SLC6A3: variants seen among roughly 807,000 people sequenced by gnomAD.
The protein encoded by SLC6A3 is solute carrier family 6 member 3.
In SLC6A3, 19 loss-of-function variants were observed where a neutral mutation model predicts 70.4. The observed-to-expected ratio is 0.27, with a 90% CI of 0.19 to 0.40. SLC6A3 has a LOEUF of 0.40. Among genes scored for constraint, SLC6A3 ranks in the 10% least tolerant of loss-of-function variants. The pLI, the probability that SLC6A3 is intolerant of heterozygous loss-of-function variation, is 1.00. For missense variants in SLC6A3, 613 were observed against 838.5 expected (o/e 0.73, Z 3.32); for synonymous variants, 368 against 356.6 (o/e 1.03, Z -0.36).
At chr5:1,409,971 T>C in intron 9 of SLC6A3, 122 bp from the exon 10 acceptor site, 8 of 1,289,776 alleles carry the variant, frequency 6.2e-6, no homozygotes, top group Non-Finnish European at 8.8e-6. Flanking sequence ...AGGGGCCACA[T>C]GGCCGTCCAG....
intron 9 of SLC6A3, among the ~76,000 whole-genome samples, chr5:1,410,844 G>A (rs1234564788): frequency 6.6e-6 from 1 of 151,838 alleles, no homozygotes; most frequent in Non-Finnish European, 1.5e-5. Flanking sequence ...GTGTGTTCGT[G>A]TGTGTTCATG....
In SLC6A3 at chr5:1,408,069, C is replaced by T. The variant is rs185241352; in HGVS notation, c.1498+957G>A. On this transcript the variant is annotated intron_variant, in intron 11 of 14. Transcript: ENST00000270349. This position sits in a 1 kb window ranked among gnomAD's most constrained non-coding sequence, Gnocchi z 6.4. Reference sequence around the variant, plus strand: ...AGGCTGGAGTGCAGTGGTGCAATCTCGGGTGACTGCAACCTCCGCCTTCCG... The same window carrying T: ...AGGCTGGAGTGCAGTGGTGCAATCTTGGGTGACTGCAACCTCCGCCTTCCG... 7.5e-4 allele frequency among the ~76,000 whole-genome samples: 114 copies of T among 152,084 alleles called. No homozygotes were observed. Among genetic ancestry groups the T allele is most frequent in the African/African-American group, 2.5e-3 (105 of 41,464 alleles).
At chr5:1,400,126 G>A (rs28363157) in intron 14 of SLC6A3, among the ~76,000 whole-genome samples, 3,307 of 152,324 alleles carry the variant, frequency 0.022, 116 homozygotes, top group African/African-American at 0.075. Flanking sequence ...TCGGCATTAG[G>A]CTGACATTAG....
rs912980440 is a variant in SLC6A3 at position 1,396,265 on chromosome 5, A to G, written c.1840-1507T>C. Among the ~76,000 whole-genome samples, 1 of 152,208 alleles carries G rather than the reference A, an allele frequency of 6.6e-6. No homozygotes were observed. The highest frequency in any genetic ancestry group is 1.5e-5 in the Non-Finnish European group (1 of 68,032). ...GTGAAACGTAGCTATGGATACAAAC[A>G]TTTCTGACCTAGATGGAATAATAGG... On this transcript the variant is annotated intron_variant, in intron 14 of 14. Coordinates refer to ENST00000270349, the MANE Select transcript of SLC6A3 (RefSeq NM_001044.5). This position sits in a 1 kb window ranked among gnomAD's most constrained non-coding sequence, Gnocchi z 7.0.
chr5:1,409,817 G>A lies in SLC6A3; in HGVS notation c.1302C>T (p.Leu434=). ...TGTGCAGCAGCTGGAACTCATCGAT[G>A]AGCCCGGTGATCACTGACTCCATAC... ...MGGMESVITG[L]IDEFQLLHRH... is the part of the protein sequence containing the mutation. The change falls in exon 10 of 15, where the codon CTC becomes CTT. Residue 434 remains leucine (L), a synonymous_variant. Coordinates refer to ENST00000270349, the MANE Select transcript of SLC6A3 (RefSeq NM_001044.5). 6.2e-7 allele frequency: 1 copy of A among 1,613,368 alleles called. No homozygotes were observed. The highest frequency in any genetic ancestry group is 1.7e-5 in the Admixed American group (1 of 60,032).
chr5:1,439,132 C>T (rs1579726580), intron 3 of SLC6A3, among the ~76,000 whole-genome samples: 1 of 152,006 alleles, frequency 6.6e-6, no homozygotes, highest in Admixed American at 6.5e-5. Context: ...TAACAACAGG[C>T]CTGGGTCTTC....
rs756149961 is a variant in SLC6A3 at position 1,409,771 on chromosome 5, G to A, written c.1348C>T (p.Leu450Phe). 2 of 1,613,434 alleles carry A rather than the reference G, an allele frequency of 1.2e-6. No homozygotes were observed. Among genetic ancestry groups the A allele is most frequent in the Non-Finnish European group, 1.7e-6 (2 of 1,179,996 alleles). The change falls in exon 10 of 15, where the codon CTC (leucine) becomes TTC (phenylalanine). Residue 450 changes from leucine to phenylalanine, a missense_variant. Leu to Phe is a conservative substitution (Grantham distance 22). This residue lies in a region of SLC6A3 where 348 missense variants were observed against 481.2 expected (regional missense o/e 0.72). Coordinates refer to ENST00000270349, the MANE Select transcript of SLC6A3 (RefSeq NM_001044.5). ...LLHRHRELFT[L>F]FIVLATFLLS... ...AGGAAGGTCGCCAGGACGATGAAGA[G>A]CGTGAAGAGCTCACGGTGTCTGTGC...
intron 4 of SLC6A3, 49 bp from the exon 5 acceptor site, chr5:1,422,063 C>G (rs746845469): frequency 6.3e-7 from 1 of 1,591,642 alleles, no homozygotes; most frequent in South Asian, 1.1e-5. Flanking sequence ...GTCAACCCAC[C>G]TGGAACTGGA....
chr5:1,443,281 C>A, intron 1 of SLC6A3, 39 bp from the exon 2 acceptor site: 1 of 1,495,220 alleles, frequency 6.7e-7, no homozygotes. Flanking sequence ...AACAGGAACG[C>A]AACAATTCAG....
chr5:1,421,185 T>TTG lies in SLC6A3; in HGVS notation c.793-483_793-482insCA, dbSNP rs1560917611. Among the ~76,000 whole-genome samples, 1 of 152,022 alleles carries TTG rather than the reference T, an allele frequency of 6.6e-6. No homozygotes were observed. The highest frequency in any genetic ancestry group is 2.4e-5 in the African/African-American group (1 of 41,380). The stretch of plus-strand genomic sequence containing the variant: ...GCCCATATAACAACCAAAGTTTTTT[T>TTG]TTTTTTTTTGAGATGGAGTTTTGCT... On this transcript the variant is annotated intron_variant, in intron 5 of 14. Coordinates refer to ENST00000270349, the MANE Select transcript of SLC6A3 (RefSeq NM_001044.5). The surrounding 1 kb of genome is among the most constrained non-coding windows in gnomAD (Gnocchi z 7.2).
intron 4 of SLC6A3, among the ~76,000 whole-genome samples, chr5:1,431,510 TGAG>T (rs1391734286): frequency 1.6e-5 from 2 of 127,526 alleles, no homozygotes; most frequent in African/African-American, 6.2e-5. Flanking sequence ...GGGTGGATAG[TGAG>T]GGATGGGCCT....
At chr5:1,412,859 C>A (rs145280119) in intron 8 of SLC6A3, among the ~76,000 whole-genome samples, 3 of 152,324 alleles carry the variant, frequency 2.0e-5, no homozygotes, top group Non-Finnish European at 4.4e-5. Flanking sequence ...GGGGTCAGAC[C>A]TGGGCTCTCG....
chr5:1,400,365 C>T (rs934935701), intron 14 of SLC6A3, among the ~76,000 whole-genome samples: 12 of 152,174 alleles, frequency 7.9e-5, no homozygotes, highest in African/African-American at 2.7e-4. Flanking sequence ...CCCGGGAATG[C>T]ACCTGCTCCA....
At position 1,436,720 on chromosome 5, in the gene SLC6A3, T is replaced by C. The variant is rs1225830085; in HGVS notation, c.419-4022A>G. On this transcript the variant is annotated intron_variant, in intron 3 of 14. Coordinates refer to ENST00000270349, the MANE Select transcript of SLC6A3 (RefSeq NM_001044.5). The surrounding 1 kb of genome is among the most constrained non-coding windows in gnomAD (Gnocchi z 5.2). ...TGTAAAATGGGGTTGCCCTTGGCAA[T>C]GAAACCGAAACCTGACAAACAGAAG... Among the ~76,000 whole-genome samples the C allele has an allele frequency of 6.6e-6, 1 of 152,124 alleles. No individual in the cohort carries two copies. The highest frequency in any genetic ancestry group is 1.5e-5 in the Non-Finnish European group (1 of 68,006).
rs529802765 is a variant in SLC6A3 at position 1,397,782 on chromosome 5, C to T, written c.1840-3024G>A. ...CTTTTTGAAAAGCAAGAAAATGGTCCTAGAAGAAAAGAAGTCTATAACAAA... is the reference window on the plus strand; with the variant it reads ...CTTTTTGAAAAGCAAGAAAATGGTCTTAGAAGAAAAGAAGTCTATAACAAA... On this transcript the variant is annotated intron_variant, in intron 14 of 14. Transcript: ENST00000270349. The surrounding 1 kb of genome is among the most constrained non-coding windows in gnomAD (Gnocchi z 4.7). Among the ~76,000 whole-genome samples the T allele has an allele frequency of 3.9e-5, 6 of 152,242 alleles. No homozygotes were observed. In the South Asian group the frequency reaches 1.2e-3, roughly 32 times the overall value.
At position 1,437,251 on chromosome 5, in the gene SLC6A3, CAAA is replaced by C. The variant is rs113262982; in HGVS notation, c.418+4105_418+4107del. The stretch of plus-strand genomic sequence containing the variant: ...GGTGACAGAGCGAGATTCCGTCTCA[CAAA>C]AAAAAAAAAAAAGAAAAGAAAAGAA... On this transcript the variant is annotated intron_variant, in intron 3 of 14. Coordinates refer to ENST00000270349, the MANE Select transcript of SLC6A3 (RefSeq NM_001044.5). The surrounding 1 kb of genome is among the most constrained non-coding windows in gnomAD (Gnocchi z 4.8). Among the ~76,000 whole-genome samples, 12 of 116,856 alleles carry C rather than the reference CAAA, an allele frequency of 1.0e-4. No homozygotes were observed. Among genetic ancestry groups the C allele is most frequent in the Admixed American group, 1.8e-4 (2 of 10,972 alleles). The allele number at this position is 116,856 out of a possible 152,430, so 76.7% of individuals were successfully genotyped here.
chr5:1,401,284 G>T lies in SLC6A3; in HGVS notation c.1768-298C>A, dbSNP rs1579699742. The T allele has an allele frequency of 1.6e-6, 1 of 614,076 alleles. No individual in the cohort carries two copies. Among genetic ancestry groups the T allele is most frequent in the Non-Finnish European group, 3.0e-6 (1 of 328,544 alleles). 38.0% of individuals were successfully genotyped at this position (614,076 alleles called of 1,614,324 possible). ...AGCACTCGCTTGAAAATAAAACGTGGTCCTGGAGATGGCTCTTGAGTCTAA... is the reference window on the plus strand; with the variant it reads ...AGCACTCGCTTGAAAATAAAACGTGTTCCTGGAGATGGCTCTTGAGTCTAA... On this transcript the variant is annotated intron_variant, in intron 13 of 14. Transcript: ENST00000270349. This position sits in a 1 kb window ranked among gnomAD's most constrained non-coding sequence, Gnocchi z 6.1.
chr5:1,404,260 A>C lies in SLC6A3; in HGVS notation c.1600-1171T>G, dbSNP rs748745056. On this transcript the variant is annotated intron_variant, in intron 12 of 14. Transcript: ENST00000270349. This position sits in a 1 kb window ranked among gnomAD's most constrained non-coding sequence, Gnocchi z 5.2. ...GGGGTTGTGTCTGTCACGTGACCAG[A>C]GCCAGGGTGAGCAGCACTTTGGCGA... 2.4e-4 allele frequency among the ~76,000 whole-genome samples: 37 copies of C among 152,292 alleles called. No homozygotes were observed. Among genetic ancestry groups the C allele is most frequent in the South Asian group, 1.0e-3 (5 of 4,824 alleles).
chr5:1,443,123 G>A lies in SLC6A3; in HGVS notation c.75C>T (p.Gly25=). 2.5e-6 allele frequency: 4 copies of A among 1,614,222 alleles called. No individual in the cohort carries two copies. The highest frequency in any genetic ancestry group is 3.4e-6 in the Non-Finnish European group (4 of 1,180,024). The change falls in exon 2 of 15, where the codon GGC becomes GGT. Residue 25 remains glycine (G), a synonymous_variant. Transcript: ENST00000270349. ...CAAGGATGAGCTCCACCTCCTTCGG[G>A]CCCACGGCATTGGGCTCCTTAGCCG... ...VAPAKEPNAV[G]PKEVELILVK... is the part of the protein sequence containing the mutation.
Sources: gnomAD v4.1 joint callset for allele counts (sites outside exome capture counted in the v4.1 genomes callset) on GRCh38, gnomAD v4.1.1 for gene constraint, gnomAD v4.1.1 regional missense constraint, Gnocchi (gnomAD v3.1) non-coding constraint, MANE v1.5 for transcripts, NCBI Gene and HGNC (gene_info 2026-07-23, HGNC 2026-07-21) for gene names.